BLK: variants seen among roughly 807,000 people sequenced by gnomAD.
BLK encodes BLK proto-oncogene, Src family tyrosine kinase.
Under a neutral mutation model 61.8 loss-of-function variants are expected in BLK, and 64 were observed. That is an observed-to-expected ratio of 1.03 (90% CI 0.85 to 1.27). BLK has a LOEUF of 1.27. Ranked by LOEUF, BLK falls within the 50% of genes most tolerant of loss-of-function variation. The pLI is 0.00. For synonymous variants in BLK, 351 were observed against 272.0 expected (o/e 1.29, Z -2.86); for missense variants, 853 against 660.5 (o/e 1.29, Z -3.19).
At chr8:11,502,848 G>A (rs905216560) in intron 1 of BLK, among the ~76,000 whole-genome samples, 1 of 152,282 alleles carries the variant, frequency 6.6e-6, no homozygotes, top group Non-Finnish European at 1.5e-5. Context: ...GGGTGACCCT[G>A]CTTTGTGCTC....
chr8:11,513,376 G>T (rs1761810799), intron 1 of BLK, among the ~76,000 whole-genome samples: 1 of 152,178 alleles, frequency 6.6e-6, no homozygotes, highest in South Asian at 2.1e-4. Context: ...GAGACGAAGA[G>T]AAACCAGAGC....
intron 1 of BLK, among the ~76,000 whole-genome samples, chr8:11,503,513 C>G (rs1053303660): frequency 6.6e-6 from 1 of 152,188 alleles, no homozygotes; most frequent in Non-Finnish European, 1.5e-5. Context: ...TCTGCTCCAT[C>G]CTGTGCCCAA....
chr8:11,563,198 C>T (rs922825871), intron 12 of BLK, 88 bp downstream of exon 12: 24 of 1,583,486 alleles, frequency 1.5e-5, no homozygotes, highest in Non-Finnish European at 2.0e-5. Flanking sequence ...CTGTGGCTGC[C>T]CTGTTCTTTT....
At chr8:11,555,890 G>T in intron 8 of BLK, 1 of 336,184 alleles carries the variant, frequency 3.0e-6, no homozygotes, top group Non-Finnish European at 5.8e-6. Flanking sequence ...GCAGCCGTGG[G>T]ACTTTGGCCA....
In BLK at chr8:11,561,443, G is replaced by A. The variant is rs575586576; in HGVS notation, c.1171G>A (p.Ala391Thr). The change falls in exon 11 of 13, where the codon GCC becomes ACC. Residue 391 changes from alanine to threonine, a missense_variant. Ala to Thr is a moderately conservative substitution (Grantham distance 58). Coordinates refer to ENST00000259089, the MANE Select transcript of BLK (RefSeq NM_001715.3). ...TCGAATCATCGACAGTGAATACACG[G>A]CCCAAGAGGGTAAGCACAGCCCCTA... ...LARIIDSEYT[A>T]QEGAKFPIKW... is the part of the protein sequence containing the mutation. 1.2e-5 allele frequency: 20 copies of A among 1,613,776 alleles called. No homozygotes were observed. In the South Asian group the frequency reaches 2.2e-4, roughly 18 times the overall value.
intron 1 of BLK, among the ~76,000 whole-genome samples, chr8:11,498,378 G>A (rs922798083): frequency 2.0e-5 from 3 of 152,202 alleles, no homozygotes; most frequent in Non-Finnish European, 2.9e-5. Flanking sequence ...TCTGAGCTCC[G>A]TGAACTTGTA....
At chr8:11,556,884 C>T (rs749337440) in intron 9 of BLK, 47 bp downstream of exon 9, 32 of 1,538,016 alleles carry the variant, frequency 2.1e-5, no homozygotes, top group Admixed American at 1.1e-4. Context: ...GCGGGAGGGC[C>T]GGGCTTAGCA....
Position 11,563,102 on chromosome 8 carries a change from C to T in BLK, c.1304C>T (p.Pro435Leu). ...LMEVVTYGRV[P>L]YPGMSNPEVI... ...GAAGTTGTCACTTATGGGCGGGTGCCATACCCAGGTAGGTGGCTCACCCCG... is the reference window on the plus strand; with the variant it reads ...GAAGTTGTCACTTATGGGCGGGTGCTATACCCAGGTAGGTGGCTCACCCCG... Residue 435 changes from proline (P) to leucine (L), a missense_variant, in exon 12 of 13, where the codon CCA (proline) becomes CTA (leucine). Pro to Leu is a moderately conservative substitution (Grantham distance 98). Transcript: ENST00000259089. 1 of 1,613,784 alleles carries T rather than the reference C, an allele frequency of 6.2e-7. No homozygotes were observed. Among genetic ancestry groups the T allele is most frequent in the Non-Finnish European group, 8.5e-7 (1 of 1,180,028 alleles).
chr8:11,545,087 T>G (rs553366712), intron 2 of BLK, among the ~76,000 whole-genome samples: 3 of 152,352 alleles, frequency 2.0e-5, no homozygotes, highest in African/African-American at 7.2e-5. Flanking sequence ...TTAAATCAAC[T>G]ACATCAAACA....
intron 5 of BLK, among the ~76,000 whole-genome samples, chr8:11,549,591 C>T (rs1269911847): frequency 1.3e-5 from 2 of 152,216 alleles, no homozygotes; most frequent in Admixed American, 6.5e-5. Flanking sequence ...GAATTTCGGA[C>T]TCGGCCAGCC....
intron 1 of BLK, among the ~76,000 whole-genome samples, chr8:11,497,990 C>A (rs1268665649): frequency 6.6e-6 from 1 of 152,202 alleles, no homozygotes; most frequent in East Asian, 1.9e-4. Context: ...GGGTCCAGAG[C>A]CCAAGACATA....
intron 4 of BLK, among the ~76,000 whole-genome samples, 156 bp downstream of exon 4, chr8:11,548,281 T>C (rs779302170): frequency 6.6e-6 from 1 of 152,068 alleles, no homozygotes; most frequent in African/African-American, 2.4e-5. Flanking sequence ...AACTTGGCCC[T>C]TTTGTCTTCC....
At chr8:11,508,107 TG>T (rs1238228753) in intron 1 of BLK, among the ~76,000 whole-genome samples, 5 of 152,180 alleles carry the variant, frequency 3.3e-5, no homozygotes, top group Non-Finnish European at 4.4e-5. Context: ...GGCCCAGGGC[TG>T]GGAAGGACTA....
chr8:11,559,784 C>T (rs1261475064), intron 10 of BLK: 3 of 456,126 alleles, frequency 6.6e-6, no homozygotes, highest in Non-Finnish European at 8.8e-6. Flanking sequence ...CACTTCCCAC[C>T]TGGCAGAATC....
At chr8:11,561,495 C>G (rs371390075) in intron 11 of BLK, 43 bp downstream of exon 11, 1 of 1,603,214 alleles carries the variant, frequency 6.2e-7, no homozygotes, top group African/African-American at 1.3e-5. Flanking sequence ...AGGGCCTTAT[C>G]TTTCCCAGCT....
chr8:11,505,123 C>T (rs2117260914), intron 1 of BLK, among the ~76,000 whole-genome samples: 1 of 152,282 alleles, frequency 6.6e-6, no homozygotes, highest in African/African-American at 2.4e-5. Context: ...CATACAGGTA[C>T]ATCTACATGC....
intron 6 of BLK, chr8:11,553,452 A>G (rs1322884618): frequency 4.8e-6 from 2 of 420,462 alleles, no homozygotes; most frequent in East Asian, 1.5e-4. Context: ...AAATTGTCAG[A>G]AGCCATCAGG....
At chr8:11,550,991 C>A (rs1023492626) in intron 6 of BLK, among the ~76,000 whole-genome samples, 4 of 152,144 alleles carry the variant, frequency 2.6e-5, no homozygotes, top group African/African-American at 9.7e-5. Context: ...CCCTCACTCC[C>A]CCACTTGGGC....
intron 5 of BLK, among the ~76,000 whole-genome samples, chr8:11,549,588 G>A (rs928638880): frequency 3.3e-5 from 5 of 152,276 alleles, no homozygotes; most frequent in African/African-American, 4.8e-5. Context: ...TGGGAATTTC[G>A]GACTCGGCCA....
Sources: allele counts gnomAD v4.1 joint callset (sites outside exome capture counted in the v4.1 genomes callset), GRCh38; gene constraint gnomAD v4.1.1; transcripts MANE v1.5; gene names NCBI Gene and HGNC (gene_info 2026-07-23, HGNC 2026-07-21).